The following DNAH17 variants were observed in gnomAD, a reference collection of about 807,000 sequenced individuals.
DNAH17 encodes axonemal beta dynein heavy chain 17.
In DNAH17, 376 loss-of-function variants were observed where a neutral mutation model predicts 485.6. That is an observed-to-expected ratio of 0.77 (90% CI 0.71 to 0.84). The LOEUF is 0.84. Among genes scored for constraint, DNAH17 ranks in the 40% least tolerant of loss-of-function variants. The pLI, the probability that DNAH17 is intolerant of heterozygous loss-of-function variation, is 0.00. For synonymous variants in DNAH17, 3,031 were observed against 2,405.9 expected, an observed-to-expected ratio of 1.26 and a Z score of -7.60; for missense variants, 6,370 against 5,839.3, an observed-to-expected ratio of 1.09 and a Z score of -2.96.
intron 48 of DNAH17, among the ~76,000 whole-genome samples, chr17:78,481,017 G>C (rs149523493): frequency 4.1e-4 from 63 of 151,822 alleles, no homozygotes; most frequent in African/African-American, 1.3e-3. Context: ...GGATGGTCTC[G>C]ATCTCCTAAC....
At chr17:78,555,774 CAGAT>C (rs2143602517) in intron 14 of DNAH17, among the ~76,000 whole-genome samples, 1 of 152,314 alleles carries the variant, frequency 6.6e-6, no homozygotes, top group East Asian at 1.9e-4. Flanking sequence ...CTCAGGAAAG[CAGAT>C]AGCCCTCCCC....
In DNAH17 at chr17:78,466,705, C is replaced by A; in HGVS notation, c.8890G>T (p.Ala2964Ser). 1 of 1,612,648 alleles carries A rather than the reference C, an allele frequency of 6.2e-7. No homozygotes were observed. Among genetic ancestry groups the A allele is most frequent in the Non-Finnish European group, 8.5e-7 (1 of 1,179,518 alleles). The part of the protein sequence containing the change: ...IDWFHEWPED[A>S]LVSVSARFLE... ...AAGCGGGCGCTGACGGACACCAGCG[C>A]ATCTTCCGGCCACTCGTGGAACCAG... is the stretch of plus-strand genomic sequence containing the variant. The change falls in exon 56 of 81, where the codon GCG (alanine) becomes TCG (serine). Residue 2964 changes from alanine to serine, a missense_variant. Coordinates refer to ENST00000389840, the MANE Select transcript of DNAH17 (RefSeq NM_173628.4).
At chr17:78,438,536 C>G (rs760691878) in intron 73 of DNAH17, among the ~76,000 whole-genome samples, 1 of 141,412 alleles carries the variant, frequency 7.1e-6, no homozygotes, top group Non-Finnish European at 1.5e-5. Flanking sequence ...CTCACTCTGT[C>G]GCCCGGGCTG....
intron 77 of DNAH17, among the ~76,000 whole-genome samples, chr17:78,428,130 G>T (rs992054011): frequency 6.6e-6 from 1 of 152,208 alleles, no homozygotes; most frequent in African/African-American, 2.4e-5. Flanking sequence ...TGGAGTACCT[G>T]CCTGCACATC....
rs374383853 is a variant in DNAH17 at position 78,523,039 on chromosome 17, G to T, written c.3864+1970C>A. Among the ~76,000 whole-genome samples the T allele has an allele frequency of 1.6e-3, 242 of 152,224 alleles. 12 individuals are homozygous for T. The South Asian group carries it at 0.049, about 31-fold the overall frequency. On this transcript the variant is annotated intron_variant, in intron 25 of 80. Transcript: ENST00000389840. ...CAGCTAATTTTTTGTATTTTTAGTA[G>T]AAACAGGGGTCTTGCTATGTTGCCT...
intron 65 of DNAH17, among the ~76,000 whole-genome samples, chr17:78,452,234 CT>C (rs2087586424): frequency 6.6e-6 from 1 of 152,088 alleles, no homozygotes; most frequent in Admixed American, 6.6e-5. Context: ...GCATGCATCT[CT>C]GCATTTAAAG....
intron 13 of DNAH17, 137 bp from the exon 14 acceptor site, chr17:78,558,391 T>G (rs1598725635): frequency 1.8e-6 from 2 of 1,095,106 alleles, no homozygotes; most frequent in Non-Finnish European, 2.6e-6. Context: ...GAGGCAGTAT[T>G]TGTTGGCAGG....
rs1317306852 is a variant in DNAH17 at position 78,560,682 on chromosome 17, C to T, written c.2031+58G>A. 5 of 1,480,064 alleles carry T rather than the reference C, an allele frequency of 3.4e-6. No individual in the cohort carries two copies. In the African/African-American group the frequency reaches 7.0e-5, roughly 21 times the overall value. The allele number at this position is 1,480,064 out of a possible 1,614,324, so 91.7% of individuals were successfully genotyped here. On this transcript the variant is annotated intron_variant, in intron 13 of 80. Coordinates refer to ENST00000389840, the MANE Select transcript of DNAH17 (RefSeq NM_173628.4). The stretch of plus-strand genomic sequence containing the variant: ...TAAATCCGTGCTGAGGGAACCTTGG[C>T]AGGCCCTCCCCCCGCTCCCAAGGAG...
rs780413522 is a variant in DNAH17 at position 78,423,884 on chromosome 17, T to G, written c.*22A>C. ...AGTTGTGGTCCAGCCCCAGGGAGTGTGGGCTGTGAGGCAGGAGCGAGCTAA... is the reference window on the plus strand; with the variant it reads ...AGTTGTGGTCCAGCCCCAGGGAGTGGGGGCTGTGAGGCAGGAGCGAGCTAA... On this transcript the variant is annotated 3_prime_UTR_variant, in exon 81 of 81. Transcript: ENST00000389840. The G allele has an allele frequency of 1.1e-5, 17 of 1,612,780 alleles. No individual in the cohort carries two copies. In the South Asian group the frequency reaches 1.9e-4, roughly 18 times the overall value.
intron 25 of DNAH17, among the ~76,000 whole-genome samples, chr17:78,516,887 T>A (rs984012781): frequency 6.6e-6 from 1 of 152,224 alleles, no homozygotes; most frequent in African/African-American, 2.4e-5. Context: ...TTTACTATAA[T>A]GTATTTTAAA....
Position 78,492,704 on chromosome 17 carries a change from A to G in DNAH17, c.6470T>C (p.Leu2157Pro). Reference protein sequence around the residue: ...NLKRKPVAVDLDPKAVTCDEL... With the variant: ...NLKRKPVAVDPDPKAVTCDEL... ...GTCGCAGGTGACGGCCTTGGGGTCC[A>G]GGTCCACGGCGACCGGCTTCCTCTT... Residue 2157 changes from leucine (L) to proline (P), a missense_variant, in exon 42 of 81, where the codon CTG becomes CCG. Coordinates refer to ENST00000389840, the MANE Select transcript of DNAH17 (RefSeq NM_173628.4). The G allele has an allele frequency of 6.2e-7, 1 of 1,613,354 alleles. No homozygotes were observed. Among genetic ancestry groups the G allele is most frequent in the Non-Finnish European group, 8.5e-7 (1 of 1,179,674 alleles).
At chr17:78,488,222 C>A (rs1444313920) in intron 44 of DNAH17, among the ~76,000 whole-genome samples, 1 of 152,210 alleles carries the variant, frequency 6.6e-6, no homozygotes, top group African/African-American at 2.4e-5. Context: ...GCGAGACAGG[C>A]CGACTTTCTC....
intron 20 of DNAH17, 139 bp downstream of exon 20, chr17:78,532,343 G>C: frequency 8.2e-7 from 1 of 1,213,266 alleles, no homozygotes; most frequent in Admixed American, 2.8e-5. Context: ...TCTAATGGTG[G>C]TCACCTCCTG....
intron 2 of DNAH17, 101 bp downstream of exon 2, chr17:78,574,612 G>A (rs1003759730): frequency 1.9e-6 from 2 of 1,049,776 alleles, no homozygotes; most frequent in Non-Finnish European, 2.7e-6. Context: ...CTCTGCAGCT[G>A]CTGCTGGCCC....
At chr17:78,514,541 G>C (rs117081296) in intron 26 of DNAH17, among the ~76,000 whole-genome samples, 1 of 148,840 alleles carries the variant, frequency 6.7e-6, no homozygotes, top group Non-Finnish European at 1.5e-5. Flanking sequence ...AAATTACTAA[G>C]AATTTTGAGA....
chr17:78,488,028 TTGGTCTTCAGTAG>T (rs1243841281), intron 44 of DNAH17, among the ~76,000 whole-genome samples: 1 of 152,170 alleles, frequency 6.6e-6, no homozygotes, highest in African/African-American at 2.4e-5. Context: ...CCAAGTCCAG[TTGGTCTTCAGTAG>T]GGGAGATTGA....
chr17:78,554,571 A>C (rs2091980453), intron 14 of DNAH17, among the ~76,000 whole-genome samples: 1 of 151,554 alleles, frequency 6.6e-6, no homozygotes, highest in Non-Finnish European at 1.5e-5. Flanking sequence ...ACAAGGGAGA[A>C]GTTTTCATGA....
intron 6 of DNAH17, 24 bp from the exon 7 acceptor site, chr17:78,570,396 C>T (rs1183164025): frequency 3.1e-6 from 5 of 1,604,768 alleles, no homozygotes; most frequent in Non-Finnish European, 3.4e-6. Context: ...GGCCCAGGCA[C>T]ACTGGAGGGG....
intron 17 of DNAH17, among the ~76,000 whole-genome samples, chr17:78,542,687 T>C (rs980539384): frequency 6.6e-6 from 1 of 152,188 alleles, no homozygotes; most frequent in African/African-American, 2.4e-5. Context: ...AGGAGGCTGG[T>C]AGGGACATAG....
Sources: gnomAD v4.1 joint callset for allele counts (sites outside exome capture counted in the v4.1 genomes callset) on GRCh38, gnomAD v4.1.1 for gene constraint, MANE v1.5 for transcripts, NCBI Gene and HGNC (gene_info 2026-07-23, HGNC 2026-07-21) for gene names.